The following CACNA1A variants were observed in gnomAD, a reference collection of about 807,000 sequenced individuals.
CACNA1A encodes calcium voltage-gated channel subunit alpha1 A.
Under a neutral mutation model 262.4 loss-of-function variants are expected in CACNA1A, and 57 were observed. That is an observed-to-expected ratio of 0.22 (90% CI 0.18 to 0.27). The LOEUF is 0.27. CACNA1A is among the 10% of genes least tolerant of loss of function. The pLI, the probability that CACNA1A is intolerant of heterozygous loss-of-function variation, is 1.00. For synonymous variants in CACNA1A, 1,431 were observed against 1,419.3 expected (o/e 1.01, Z -0.18); for missense variants, 2,526 against 3,562.8 (o/e 0.71, Z 7.41).
intron 1 of CACNA1A, among the ~76,000 whole-genome samples, chr19:13,470,487 T>C (rs1323825673): frequency 6.6e-6 from 1 of 152,248 alleles, no homozygotes; most frequent in Non-Finnish European, 1.5e-5. Flanking sequence ...CCTCTTTTTC[T>C]ATCCAATCTC....
Position 13,433,283 on chromosome 19 carries a change from A to G in CACNA1A, c.539+19593T>C, listed in dbSNP as rs550851789. 3.8e-5 allele frequency among the ~76,000 whole-genome samples: 5 copies of G among 132,174 alleles called. No homozygotes were observed. In the East Asian group the frequency reaches 1.1e-3, roughly 30 times the overall value. 86.7% of individuals were successfully genotyped at this position (132,174 alleles called of 152,430 possible). A position where few individuals can be genotyped will look rare whatever the true frequency, so the allele number is the denominator to read the frequency against. The stretch of plus-strand genomic sequence containing the variant: ...ACTCCAGCCTGGGCTACAGTGCGAG[A>G]CTCTGTCTCAAAAAAAAAAAAAAAA... On this transcript the variant is annotated intron_variant, in intron 3 of 46. Transcript: ENST00000360228.
In CACNA1A at chr19:13,474,145, A is replaced by G. The variant is rs950632435; in HGVS notation, c.294-18933T>C. Among the ~76,000 whole-genome samples, 6 of 152,208 alleles carry G rather than the reference A, an allele frequency of 3.9e-5. No individual in the cohort carries two copies. In the East Asian group the frequency reaches 9.6e-4, roughly 24 times the overall value. On this transcript the variant is annotated intron_variant, in intron 1 of 46. Coordinates refer to ENST00000360228, the MANE Select transcript of CACNA1A (RefSeq NM_001127222.2). Reference sequence around the variant, plus strand: ...CTGCTGGCAGCAGTCCCAGGAGCTTAATCAATATGACAACACCCAGCGCAG... The same window carrying G: ...CTGCTGGCAGCAGTCCCAGGAGCTTGATCAATATGACAACACCCAGCGCAG...
chr19:13,437,517 C>T (rs1351636288), intron 3 of CACNA1A, among the ~76,000 whole-genome samples: 1 of 151,788 alleles, frequency 6.6e-6, no homozygotes, highest in Admixed American at 6.6e-5. Flanking sequence ...ATGGCGAAAC[C>T]CTGTCTCTAC....
chr19:13,434,411 A>G (rs1036848834), intron 3 of CACNA1A, among the ~76,000 whole-genome samples: 1 of 152,280 alleles, frequency 6.6e-6, no homozygotes, highest in East Asian at 1.9e-4. Flanking sequence ...CTTTTAATGT[A>G]CTTTGGATCT....
At chr19:13,354,299 C>A (rs909888247) in intron 6 of CACNA1A, among the ~76,000 whole-genome samples, 2 of 152,316 alleles carry the variant, frequency 1.3e-5, no homozygotes, top group Admixed American at 6.5e-5. Flanking sequence ...ATGGAGTTGG[C>A]TGGCAAGGCC....
chr19:13,322,230 T>C (rs574928142), intron 10 of CACNA1A, among the ~76,000 whole-genome samples: 2 of 145,120 alleles, frequency 1.4e-5, no homozygotes, highest in South Asian at 4.3e-4. Flanking sequence ...AGAAATCGCA[T>C]ACAGAAACAC....
chr19:13,469,826 A>G (rs948480122), intron 1 of CACNA1A, among the ~76,000 whole-genome samples: 2 of 150,846 alleles, frequency 1.3e-5, no homozygotes, highest in South Asian at 4.2e-4. Flanking sequence ...CGTCCATCCC[A>G]TCGAGCCCTG....
chr19:13,261,157 T>C (rs1034137462), intron 26 of CACNA1A: 1 of 310,272 alleles, frequency 3.2e-6, no homozygotes, highest in Non-Finnish European at 6.0e-6. Context: ...CACATCTGCC[T>C]GTAACGATTT....
At chr19:13,261,864 C>G in intron 25 of CACNA1A, 1 of 398,820 alleles carries the variant, frequency 2.5e-6, no homozygotes, top group South Asian at 5.0e-5. Context: ...ATACAGGAGC[C>G]CAACACAGAA....
intron 24 of CACNA1A, among the ~76,000 whole-genome samples, chr19:13,269,138 AGG>A (rs2056950396): frequency 2.4e-5 from 1 of 42,378 alleles, no homozygotes; most frequent in Non-Finnish European, 3.9e-5. Context: ...CTGGGACTAC[AGG>A]TGAGAGACAC....
chr19:13,221,831 T>G (rs915752340), intron 38 of CACNA1A, among the ~76,000 whole-genome samples: 8 of 152,098 alleles, frequency 5.3e-5, no homozygotes, highest in Non-Finnish European at 4.4e-5. Flanking sequence ...CTCCCTGGCC[T>G]CCTCTTCTTC....
At chr19:13,464,835 A>G (rs1193785201) in intron 1 of CACNA1A, among the ~76,000 whole-genome samples, 2 of 152,140 alleles carry the variant, frequency 1.3e-5, no homozygotes, top group African/African-American at 2.4e-5. Flanking sequence ...GGCGTGAGCC[A>G]CTGCGCCCGG....
At chr19:13,446,331 C>T (rs1406215434) in intron 3 of CACNA1A, among the ~76,000 whole-genome samples, 2 of 151,636 alleles carry the variant, frequency 1.3e-5, no homozygotes, top group Admixed American at 1.3e-4. Context: ...ATTTGAGTCC[C>T]CTCCTCTCTG....
At chr19:13,267,148 AAG>A (rs148455698) in intron 24 of CACNA1A, among the ~76,000 whole-genome samples, 11 of 151,198 alleles carry the variant, frequency 7.3e-5, no homozygotes, top group African/African-American at 2.4e-4. Context: ...GAGAGAGAGA[AAG>A]AGAGAGAGAG....
intron 22 of CACNA1A, among the ~76,000 whole-genome samples, chr19:13,282,843 T>C (rs570039466): frequency 1.3e-5 from 2 of 152,308 alleles, no homozygotes; most frequent in Admixed American, 6.5e-5. Context: ...GCTTAGGCTG[T>C]GTTTCTGAGC....
At chr19:13,305,638 T>A (rs1413814810) in intron 15 of CACNA1A, among the ~76,000 whole-genome samples, 1 of 152,192 alleles carries the variant, frequency 6.6e-6, no homozygotes, top group African/African-American at 2.4e-5. Flanking sequence ...CAGATGCCAG[T>A]AGCACCCTCT....
At chr19:13,429,746 A>G (rs1010893204) in intron 3 of CACNA1A, among the ~76,000 whole-genome samples, 1 of 151,856 alleles carries the variant, frequency 6.6e-6, no homozygotes, top group Non-Finnish European at 1.5e-5. Flanking sequence ...CAGATAAGCA[A>G]AGTGTGGTCC....
At chr19:13,310,135 T>A (rs1010073911) in intron 12 of CACNA1A, among the ~76,000 whole-genome samples, 1 of 152,062 alleles carries the variant, frequency 6.6e-6, no homozygotes, top group African/African-American at 2.4e-5. Context: ...CTCGCCTTTT[T>A]AACGTATTCA....
chr19:13,299,070 C>T lies in CACNA1A; in HGVS notation c.2563G>A (p.Glu855Lys), dbSNP rs780879206. The T allele has an allele frequency of 1.9e-6, 3 of 1,608,092 alleles. No homozygotes were observed. The African/African-American group carries it at 4.0e-5, about 21-fold the overall frequency. ...CGGGCCTGTTTCCTGAGGAAGTCCT[C>T]GGCGCGCTGCTGGCCGAGGCGCTGG... ...VDQRLGQQRAEDFLRKQARYH... is the reference protein window; with the variant it reads ...VDQRLGQQRAKDFLRKQARYH... The change falls in exon 19 of 47, where the codon GAG (glutamate) becomes AAG (lysine). Residue 855 changes from glutamate to lysine, a missense_variant. This residue lies in a region of CACNA1A where 765 missense variants were observed against 748.6 expected (regional missense o/e 1.02). Transcript: ENST00000360228.
Sources: allele counts gnomAD v4.1 joint callset (sites outside exome capture counted in the v4.1 genomes callset), GRCh38; gene constraint gnomAD v4.1.1; regional missense constraint gnomAD v4.1.1; transcripts MANE v1.5; gene names NCBI Gene and HGNC (gene_info 2026-07-23, HGNC 2026-07-21).